The following PCSK5 variants were observed in gnomAD, a reference collection of about 807,000 sequenced individuals.
The protein encoded by PCSK5 is proprotein convertase subtilisin/kexin type 5.
PCSK5 carries 129 observed loss-of-function variants against 233.2 expected under a neutral mutation model. The ratio of observed to expected loss-of-function variants is 0.55; its 90% CI spans 0.48 to 0.64. PCSK5 has a LOEUF of 0.64. PCSK5 is among the 30% of genes least tolerant of loss of function. The pLI is 0.00. For missense variants in PCSK5, 2,076 were observed against 2,430.1 expected (o/e 0.85, Z 3.06); for synonymous variants, 825 against 879.2 (o/e 0.94, Z 1.09).
At chr9:75,926,193 AC>A (rs1823480253) in intron 1 of PCSK5, among the ~76,000 whole-genome samples, 1 of 149,910 alleles carries the variant, frequency 6.7e-6, no homozygotes, top group Admixed American at 6.6e-5. Context: ...CAAAGAAATA[AC>A]CAGAATTCAG....
intron 3 of PCSK5, among the ~76,000 whole-genome samples, chr9:75,995,886 A>G (rs1014821284): frequency 1.3e-5 from 2 of 151,758 alleles, no homozygotes; most frequent in African/African-American, 4.8e-5. Context: ...TTTTCTACCC[A>G]TTTTTCTTTC....
intron 13 of PCSK5, among the ~76,000 whole-genome samples, chr9:76,170,884 G>A (rs1391402707): frequency 1.3e-5 from 2 of 152,202 alleles, no homozygotes; most frequent in Non-Finnish European, 2.9e-5. Flanking sequence ...CTCATTCTGA[G>A]AGATCCATTG....
chr9:76,339,737 G>T (rs1829777790), intron 35 of PCSK5, among the ~76,000 whole-genome samples: 1 of 151,984 alleles, frequency 6.6e-6, no homozygotes, highest in African/African-American at 2.4e-5. Flanking sequence ...TAGAGGCAGG[G>T]TTTCACCATA....
intron 12 of PCSK5, among the ~76,000 whole-genome samples, chr9:76,163,864 T>G (rs1317106065): frequency 2.6e-4 from 31 of 117,564 alleles, no homozygotes; most frequent in Non-Finnish European, 2.0e-4. Flanking sequence ...GCTGTCTTTT[T>G]TTTTTTTTTT....
chr9:75,933,073 C>T (rs955337811), intron 2 of PCSK5, among the ~76,000 whole-genome samples: 7 of 152,208 alleles, frequency 4.6e-5, no homozygotes, highest in East Asian at 1.9e-4. Flanking sequence ...GTTTTCCAGA[C>T]GACGTACCCC....
chr9:76,174,524 G>C, intron 13 of PCSK5, among the ~76,000 whole-genome samples: 1 of 151,740 alleles, frequency 6.6e-6, no homozygotes, highest in African/African-American at 2.4e-5. Context: ...GTTAGCCAGG[G>C]TGGTCTCAAT....
At chr9:75,896,969 G>C (rs1825833768) in intron 1 of PCSK5, among the ~76,000 whole-genome samples, 1 of 152,140 alleles carries the variant, frequency 6.6e-6, no homozygotes, top group African/African-American at 2.4e-5. Flanking sequence ...AGTAAAATTA[G>C]ATCGGAAAGA....
In PCSK5 at chr9:76,188,612, G is replaced by C; in HGVS notation, c.2317G>C (p.Asp773His). Residue 773 changes from aspartate to histidine, a missense_variant, in exon 18 of 38, where the codon GAT (aspartate) becomes CAT (histidine). By Grantham distance (81) the Asp-to-His change is moderately conservative. Around this residue, in one of 6 missense-constraint regions of PCSK5, gnomAD observed 1,510 missense variants for 1,538.1 expected, o/e 0.98. Coordinates refer to ENST00000674117, the MANE Select transcript of PCSK5 (RefSeq NM_001372043.1). Reference sequence around the variant, plus strand: ...ATCCCGGTGCTCTGTCTCCTGTGAAGATGGACGGTATTTCAACGGCCAGGA... The same window carrying C: ...ATCCCGGTGCTCTGTCTCCTGTGAACATGGACGGTATTTCAACGGCCAGGA... Reference protein sequence around the residue: ...QGSRCSVSCEDGRYFNGQDCQ... With the variant: ...QGSRCSVSCEHGRYFNGQDCQ... The C allele has an allele frequency of 6.2e-7, 1 of 1,613,808 alleles. No homozygotes were observed. The highest frequency in any genetic ancestry group is 8.5e-7 in the Non-Finnish European group (1 of 1,179,762).
chr9:75,971,240 G>A (rs1287046723), intron 2 of PCSK5, among the ~76,000 whole-genome samples: 3 of 152,054 alleles, frequency 2.0e-5, no homozygotes, highest in Non-Finnish European at 4.4e-5. Flanking sequence ...AGGTCCATCC[G>A]TGTCCCTGCA....
intron 10 of PCSK5, among the ~76,000 whole-genome samples, chr9:76,149,512 C>A (rs1176817926): frequency 6.6e-6 from 1 of 152,066 alleles, no homozygotes; most frequent in African/African-American, 2.4e-5. Context: ...GTAAATAATC[C>A]ACAAATAGGA....
At chr9:76,248,093 T>A (rs1399756624) in intron 24 of PCSK5, among the ~76,000 whole-genome samples, 15 of 152,240 alleles carry the variant, frequency 9.9e-5, no homozygotes, top group Non-Finnish European at 1.2e-4. Flanking sequence ...CTTAATCTTT[T>A]TTAAAAAAAT....
intron 23 of PCSK5, 85 bp from the exon 24 acceptor site, chr9:76,240,531 C>G: frequency 1.1e-6 from 1 of 923,752 alleles, no homozygotes; most frequent in Non-Finnish European, 1.7e-6. Flanking sequence ...TTAAAATAAG[C>G]TACACACGAA....
chr9:76,181,794 C>T (rs1823883693), intron 16 of PCSK5, among the ~76,000 whole-genome samples: 1 of 152,122 alleles, frequency 6.6e-6, no homozygotes, highest in South Asian at 2.1e-4. Flanking sequence ...AAGACCACCC[C>T]CAGATTCAGT....
intron 22 of PCSK5, 86 bp from the exon 23 acceptor site, chr9:76,238,873 T>C: frequency 3.9e-6 from 4 of 1,034,694 alleles, no homozygotes; most frequent in Non-Finnish European, 5.7e-6. Context: ...GTCGCATCTT[T>C]TTAAAATATA....
intron 3 of PCSK5, among the ~76,000 whole-genome samples, chr9:76,008,379 T>A (rs184403244): frequency 2.2e-4 from 33 of 152,284 alleles, no homozygotes; most frequent in African/African-American, 7.9e-4. Context: ...TAGATGGCTT[T>A]CATTATCCTA....
At chr9:76,065,296 A>G (rs1408816967) in intron 5 of PCSK5, among the ~76,000 whole-genome samples, 1 of 152,058 alleles carries the variant, frequency 6.6e-6, no homozygotes, top group Non-Finnish European at 1.5e-5. Context: ...CTCTGATCCG[A>G]TCATTTCTTC....
intron 1 of PCSK5, among the ~76,000 whole-genome samples, chr9:75,897,783 G>A (rs753039479): frequency 3.3e-5 from 5 of 152,042 alleles, no homozygotes; most frequent in African/African-American, 9.7e-5. Context: ...CCACTGGGAC[G>A]AGGCAAGATT....
At chr9:75,995,742 C>T (rs964531274) in intron 3 of PCSK5, among the ~76,000 whole-genome samples, 16 of 84,086 alleles carry the variant, frequency 1.9e-4, no homozygotes, top group African/African-American at 7.7e-4. Flanking sequence ...AGGATTCATT[C>T]ATACACACAC....
chr9:76,262,920 C>A (rs1005787800), intron 24 of PCSK5, among the ~76,000 whole-genome samples: 17 of 149,116 alleles, frequency 1.1e-4, no homozygotes, highest in Admixed American at 1.1e-3. Flanking sequence ...TGAACTCAAA[C>A]AAATTTACAA....
Sources: gnomAD v4.1 joint callset for allele counts (sites outside exome capture counted in the v4.1 genomes callset) on GRCh38, gnomAD v4.1.1 for gene constraint, gnomAD v4.1.1 regional missense constraint, MANE v1.5 for transcripts, NCBI Gene and HGNC (gene_info 2026-07-23, HGNC 2026-07-21) for gene names.